Variants in ARSJ observed in about 807,000 individuals in gnomAD.
ARSJ encodes the protein arylsulfatase family member J.
In ARSJ, 26 loss-of-function variants were observed where a neutral mutation model predicts 35.9. The observed-to-expected ratio is 0.72, with a 90% CI of 0.53 to 1.00. ARSJ has a LOEUF of 1.00. ARSJ is among the 50% of genes least tolerant of loss of function. The pLI, the probability that ARSJ is intolerant of heterozygous loss-of-function variation, is 0.00. For synonymous variants in ARSJ, 294 were observed against 267.6 expected (o/e 1.10, Z -0.96); for missense variants, 667 against 723.6 (o/e 0.92, Z 0.90).
chr4:113,910,414 C>T (rs1357034438), intron 1 of ARSJ, among the ~76,000 whole-genome samples: 1 of 151,848 alleles, frequency 6.6e-6, no homozygotes, highest in Non-Finnish European at 1.5e-5. Context: ...CTTTAAAGTC[C>T]AGAATGGTTA....
In ARSJ at chr4:113,978,465, G is replaced by T; in HGVS notation, c.370C>A (p.Pro124Thr). The T allele has an allele frequency of 6.2e-7, 1 of 1,613,006 alleles. No individual in the cohort carries two copies. Among genetic ancestry groups the T allele is most frequent in the Non-Finnish European group, 8.5e-7 (1 of 1,179,386 alleles). ...CCAGTAATAAACTGACTCCTGGATG[G>T]TGTGCAAATAGGCTGGACATAGTAG... ...ENYYVQPICT[P>T]SRSQFITGKY... is the part of the protein sequence containing the mutation. The change falls in exon 1 of 2, where the codon CCA becomes ACA. Residue 124 changes from proline (P) to threonine (T), a missense_variant. Pro to Thr is a conservative substitution (Grantham distance 38, BLOSUM62 -1). Transcript: ENST00000315366.
At chr4:113,931,563 G>A (rs959575001) in intron 1 of ARSJ, among the ~76,000 whole-genome samples, 2 of 151,976 alleles carry the variant, frequency 1.3e-5, no homozygotes, top group Non-Finnish European at 2.9e-5. Flanking sequence ...ATGTCTTCAA[G>A]AAACTATTTT....
chr4:113,935,416 T>C (rs1724703787), intron 1 of ARSJ, among the ~76,000 whole-genome samples: 1 of 151,752 alleles, frequency 6.6e-6, no homozygotes, highest in Non-Finnish European at 1.5e-5. Context: ...TCAAGATATA[T>C]AAAAAGGAGC....
chr4:113,937,145 C>A (rs1259964140), intron 1 of ARSJ, among the ~76,000 whole-genome samples: 2 of 151,910 alleles, frequency 1.3e-5, no homozygotes, highest in South Asian at 4.1e-4. Flanking sequence ...TGGGAAGATT[C>A]ATTTCCTTCA....
chr4:113,978,301 C>A (rs1727713703), intron 1 of ARSJ, 136 bp downstream of exon 1: 2 of 821,202 alleles, frequency 2.4e-6, no homozygotes, highest in South Asian at 3.6e-5. Flanking sequence ...ACCCCAATAC[C>A]ATACATCATT....
intron 1 of ARSJ, among the ~76,000 whole-genome samples, chr4:113,946,835 T>G (rs1725520503): frequency 6.6e-6 from 1 of 152,178 alleles, no homozygotes. Context: ...GTTTTGTTTT[T>G]CTGTATAGTG....
intron 1 of ARSJ, among the ~76,000 whole-genome samples, chr4:113,914,841 A>G (rs541624093): frequency 6.6e-6 from 1 of 152,364 alleles, no homozygotes; most frequent in Admixed American, 6.5e-5. Flanking sequence ...TATCCACAGT[A>G]GAGAATAATT....
At position 113,902,267 on chromosome 4, in the gene ARSJ, T is replaced by G. The variant is rs749673314; in HGVS notation, c.*7A>C. ...TTAAAGTTTAACCAAACAGGAAATA[T>G]TTGTGCTTATCCACAAGTAACACCT... On this transcript the variant is annotated 3_prime_UTR_variant, in exon 2 of 2. Transcript: ENST00000315366. 3.7e-6 allele frequency: 6 copies of G among 1,607,768 alleles called. No individual in the cohort carries two copies. Among genetic ancestry groups the G allele is most frequent in the South Asian group, 1.1e-5 (1 of 91,088 alleles).
At chr4:113,949,928 A>T (rs1725752593) in intron 1 of ARSJ, among the ~76,000 whole-genome samples, 2 of 152,066 alleles carry the variant, frequency 1.3e-5, no homozygotes, top group Non-Finnish European at 2.9e-5. Context: ...TCTTCCCCTT[A>T]ATTTTAAAAG....
At chr4:113,950,596 G>A (rs1247863723) in intron 1 of ARSJ, among the ~76,000 whole-genome samples, 4 of 152,018 alleles carry the variant, frequency 2.6e-5, no homozygotes. Flanking sequence ...AGAAAGAGAG[G>A]GAGAGGAAGA....
chr4:113,978,892 G>A lies in ARSJ; in HGVS notation c.-58C>T. On this transcript the variant is annotated 5_prime_UTR_variant, in exon 1 of 2. Coordinates refer to ENST00000315366, the MANE Select transcript of ARSJ (RefSeq NM_024590.4). ...GAACCACGCGCCCCGCGCCGCTGCG[G>A]GCGCACACATGCACCCAACAGACGG... 3 of 1,518,366 alleles carry A rather than the reference G, an allele frequency of 2.0e-6. No individual in the cohort carries two copies. The highest frequency in any genetic ancestry group is 1.8e-6 in the Non-Finnish European group (2 of 1,134,436). 94.1% of individuals were successfully genotyped at this position (1,518,366 alleles called of 1,614,324 possible).
At chr4:113,913,206 C>A (rs1227783131) in intron 1 of ARSJ, among the ~76,000 whole-genome samples, 3 of 152,150 alleles carry the variant, frequency 2.0e-5, no homozygotes, top group African/African-American at 7.2e-5. Flanking sequence ...TTTGGATAAT[C>A]TTTCCTAGTC....
At chr4:113,975,766 C>T (rs1054815435) in intron 1 of ARSJ, among the ~76,000 whole-genome samples, 1 of 152,138 alleles carries the variant, frequency 6.6e-6, no homozygotes, top group African/African-American at 2.4e-5. Context: ...TCAGCAGACG[C>T]TAACATTTAA....
At chr4:113,926,932 T>C (rs1724107493) in intron 1 of ARSJ, among the ~76,000 whole-genome samples, 1 of 152,124 alleles carries the variant, frequency 6.6e-6, no homozygotes, top group Non-Finnish European at 1.5e-5. Flanking sequence ...TGCCAAAGGC[T>C]CCAAACAGCA....
In ARSJ at chr4:113,977,606, T is replaced by C. The variant is rs1402541090; in HGVS notation, c.398+831A>G. ...ATCTTCGTTCCACAGGCTGAATTTGTACATCCAAATCAATTACAGTAGCCT... is the reference window on the plus strand; with the variant it reads ...ATCTTCGTTCCACAGGCTGAATTTGCACATCCAAATCAATTACAGTAGCCT... On this transcript the variant is annotated intron_variant, in intron 1 of 1. Transcript: ENST00000315366. Among the ~76,000 whole-genome samples, 3 of 152,194 alleles carry C rather than the reference T, an allele frequency of 2.0e-5. No individual in the cohort carries two copies. In the South Asian group the frequency reaches 6.2e-4, roughly 32 times the overall value.
intron 1 of ARSJ, among the ~76,000 whole-genome samples, chr4:113,922,609 A>G (rs535998498): frequency 2.0e-5 from 3 of 152,302 alleles, no homozygotes; most frequent in South Asian, 2.1e-4. Context: ...TTTTACTTAT[A>G]CATTACAGAA....
chr4:113,921,583 T>G (rs1723684132), intron 1 of ARSJ, among the ~76,000 whole-genome samples: 1 of 152,104 alleles, frequency 6.6e-6, no homozygotes, highest in South Asian at 2.1e-4. Flanking sequence ...CAGTGGCTTG[T>G]TATGGTGAAA....
intron 1 of ARSJ, among the ~76,000 whole-genome samples, chr4:113,962,815 G>A (rs747526037): frequency 4.6e-5 from 7 of 151,978 alleles, no homozygotes; most frequent in East Asian, 1.9e-4. Flanking sequence ...CATTTTAGTC[G>A]AGTGAAAGTC....
intron 1 of ARSJ, among the ~76,000 whole-genome samples, chr4:113,918,535 G>A (rs1282231280): frequency 6.6e-6 from 1 of 152,116 alleles, no homozygotes; most frequent in Non-Finnish European, 1.5e-5. Flanking sequence ...AACGGATCCT[G>A]ATGCCAAACA....
Sources: allele counts gnomAD v4.1 joint callset (sites outside exome capture counted in the v4.1 genomes callset), GRCh38; gene constraint gnomAD v4.1.1; transcripts MANE v1.5; gene names NCBI Gene and HGNC (gene_info 2026-07-23, HGNC 2026-07-21).